Variants in ANTXR2 observed in about 807,000 individuals in gnomAD.
The protein encoded by ANTXR2 is ANTXR cell adhesion molecule 2.
A neutral mutation model predicts 73.7 loss-of-function variants in ANTXR2; 44 were observed. That is an observed-to-expected ratio of 0.60 (90% CI 0.47 to 0.77). ANTXR2 has a LOEUF of 0.77. Among genes scored for constraint, ANTXR2 ranks in the 30% least tolerant of loss-of-function variants. ANTXR2 has a pLI of 0.00. For missense variants in ANTXR2, 604 were observed against 592.5 expected (o/e 1.02, Z -0.20); for synonymous variants, 217 against 205.9 (o/e 1.05, Z -0.46).
At chr4:80,047,413 T>C in intron 7 of ANTXR2, among the ~76,000 whole-genome samples, 1 of 151,732 alleles carries the variant, frequency 6.6e-6, no homozygotes. Context: ...TTGAATATAG[T>C]GAGCTGTCAT....
intron 16 of ANTXR2, among the ~76,000 whole-genome samples, chr4:79,926,515 A>C (rs1727787221): frequency 1.3e-5 from 2 of 152,150 alleles, no homozygotes; most frequent in South Asian, 4.1e-4. Context: ...GAAACATGAA[A>C]ATGTAAAAAG....
At chr4:80,022,528 G>C (rs1181462868) in intron 10 of ANTXR2, among the ~76,000 whole-genome samples, 1 of 152,166 alleles carries the variant, frequency 6.6e-6, no homozygotes, top group Non-Finnish European at 1.5e-5. Flanking sequence ...AATTCGGTAA[G>C]CTTTCCTTGC....
At position 79,905,189 on chromosome 4, in the gene ANTXR2, T is replaced by A. The variant is rs939180012; in HGVS notation, c.*2240A>T. ...TGCAGCAAAATGTAAGTATGCTACA[T>A]AATTCTAGAGAAATTTGAAGTAGTT... On this transcript the variant is annotated 3_prime_UTR_variant, in exon 17 of 17. Coordinates refer to ENST00000403729, the MANE Select transcript of ANTXR2 (RefSeq NM_058172.6). The A allele has an allele frequency of 3.3e-5, 5 of 152,232 alleles. No individual in the cohort carries two copies. The highest frequency in any genetic ancestry group is 7.3e-5 in the Non-Finnish European group (5 of 68,038). 9.4% of individuals were successfully genotyped at this position (152,232 alleles called of 1,614,324 possible).
chr4:80,014,328 G>C (rs896098102), intron 11 of ANTXR2, among the ~76,000 whole-genome samples: 2 of 151,984 alleles, frequency 1.3e-5, no homozygotes, highest in Middle Eastern at 3.2e-3. Flanking sequence ...CAGCACTTTG[G>C]GAGACTGAGG....
chr4:79,918,068 C>A (rs1444061914), intron 16 of ANTXR2, among the ~76,000 whole-genome samples: 1 of 151,698 alleles, frequency 6.6e-6, no homozygotes, highest in Non-Finnish European at 1.5e-5. Context: ...TATACAATAT[C>A]CGAAATAAAA....
intron 7 of ANTXR2, among the ~76,000 whole-genome samples, chr4:80,036,967 G>A (rs906421564): frequency 6.6e-6 from 1 of 151,964 alleles, no homozygotes; most frequent in Non-Finnish European, 1.5e-5. Flanking sequence ...TAAAAACACA[G>A]ACTCCATACT....
intron 16 of ANTXR2, among the ~76,000 whole-genome samples, chr4:79,936,918 C>A (rs577115727): frequency 5.9e-5 from 9 of 152,022 alleles, no homozygotes; most frequent in Non-Finnish European, 1.0e-4. Context: ...CTTATATTTT[C>A]TATTTTTTTC....
intron 16 of ANTXR2, among the ~76,000 whole-genome samples, chr4:79,966,902 G>GCATC (rs1729389088): frequency 2.6e-5 from 2 of 78,114 alleles, no homozygotes; most frequent in Non-Finnish European, 6.8e-5. Context: ...TAAGAATAGG[G>GCATC]CGTCCGGGGA....
chr4:79,992,471 T>C (rs1341679859), intron 12 of ANTXR2, among the ~76,000 whole-genome samples: 1 of 151,912 alleles, frequency 6.6e-6, no homozygotes, highest in Non-Finnish European at 1.5e-5. Flanking sequence ...CCATTATTTC[T>C]ACTTAATTCT....
intron 3 of ANTXR2, among the ~76,000 whole-genome samples, chr4:80,062,136 A>G (rs1734290409): frequency 6.6e-6 from 1 of 152,170 alleles, no homozygotes; most frequent in Non-Finnish European, 1.5e-5. Context: ...TTCTAATGCC[A>G]ACATAGGCCA....
intron 11 of ANTXR2, among the ~76,000 whole-genome samples, chr4:80,009,422 G>A (rs1180983131): frequency 6.6e-6 from 1 of 152,106 alleles, no homozygotes; most frequent in Non-Finnish European, 1.5e-5. Context: ...TACTTATCAC[G>A]ATGCAACGAA....
chr4:79,976,169 C>T (rs1729622718), intron 16 of ANTXR2, among the ~76,000 whole-genome samples: 1 of 152,066 alleles, frequency 6.6e-6, no homozygotes, highest in South Asian at 2.1e-4. Context: ...GCCTCGGCTT[C>T]CCAAAGTGCT....
At chr4:80,024,837 C>T (rs1732350541) in intron 10 of ANTXR2, 4 of 261,252 alleles carry the variant, frequency 1.5e-5, no homozygotes, top group South Asian at 1.0e-4. Flanking sequence ...AGGGGAGAAA[C>T]AGCTAGGGTG....
intron 16 of ANTXR2, chr4:79,965,170 T>C (rs553123816): frequency 6.6e-6 from 1 of 152,340 alleles, no homozygotes; most frequent in East Asian, 1.9e-4. Context: ...TGACTCTGGG[T>C]TGAGTTCTAG....
At chr4:79,984,776 G>GAAAAA (rs375599010) in intron 13 of ANTXR2, 43 bp downstream of exon 13, 1 of 1,147,634 alleles carries the variant, frequency 8.7e-7, no homozygotes. Flanking sequence ...TCTGCATTTG[G>GAAAAA]AAAAAAAAAA....
In ANTXR2 at chr4:79,905,193, T is replaced by G. The variant is rs1726856269; in HGVS notation, c.*2236A>C. 4 of 152,306 alleles carry G rather than the reference T, an allele frequency of 2.6e-5. No individual in the cohort carries two copies. In the South Asian group the frequency reaches 6.2e-4, roughly 24 times the overall value. 9.4% of individuals were successfully genotyped at this position (152,306 alleles called of 1,614,324 possible). A position where few individuals can be genotyped will look rare whatever the true frequency, so the allele number is the denominator to read the frequency against. On this transcript the variant is annotated 3_prime_UTR_variant, in exon 17 of 17. Transcript: ENST00000403729. ...GCAAAATGTAAGTATGCTACATAAT[T>G]CTAGAGAAATTTGAAGTAGTTACCA...
intron 16 of ANTXR2, among the ~76,000 whole-genome samples, chr4:79,974,296 A>ATCAGGCACACATAGAATCATAATATG (rs1729540798): frequency 6.6e-6 from 1 of 152,248 alleles, no homozygotes; most frequent in African/African-American, 2.4e-5. Flanking sequence ...CTCAGACTGC[A>ATCAGGCACACATAGAATCATAATATG]TCAGGCACAC....
In ANTXR2 at chr4:79,906,820, G is replaced by A. The variant is rs965203498; in HGVS notation, c.*609C>T. The A allele has an allele frequency of 2.6e-5, 4 of 152,904 alleles. No individual in the cohort carries two copies. Among genetic ancestry groups the A allele is most frequent in the Admixed American group, 2.0e-4 (3 of 15,268 alleles). The allele number at this position is 152,904 out of a possible 1,614,324, so 9.5% of individuals were successfully genotyped here. ...GCATCTTGTCTACATTTTGTCATGC[G>A]TGTGCACTTTTCAGTGTTAGAATGA... On this transcript the variant is annotated 3_prime_UTR_variant, in exon 17 of 17. Transcript: ENST00000403729.
intron 16 of ANTXR2, among the ~76,000 whole-genome samples, chr4:79,933,956 T>G (rs1262521719): frequency 1.3e-5 from 2 of 151,896 alleles, no homozygotes; most frequent in African/African-American, 2.4e-5. Context: ...GGGAAGATGG[T>G]CTCGATCTCC....
Sources: allele counts gnomAD v4.1 joint callset (sites outside exome capture counted in the v4.1 genomes callset), GRCh38; gene constraint gnomAD v4.1.1; transcripts MANE v1.5; gene names NCBI Gene and HGNC (gene_info 2026-07-23, HGNC 2026-07-21).